SDK1: variants seen among roughly 807,000 people sequenced by gnomAD.
SDK1 encodes protein sidekick-1.
SDK1 carries 157 observed loss-of-function variants against 245.5 expected under a neutral mutation model. The ratio of observed to expected loss-of-function variants is 0.64; its 90% CI spans 0.56 to 0.73. The LOEUF is 0.73. Among genes scored for constraint, SDK1 ranks in the 30% least tolerant of loss-of-function variants. The pLI is 0.00. For synonymous variants in SDK1, 1,647 were observed against 1,278.5 expected (o/e 1.29, Z -6.15); for missense variants, 3,583 against 3,002.3 (o/e 1.19, Z -4.52).
At chr7:3,600,212 G>A (rs935147888) in intron 1 of SDK1, among the ~76,000 whole-genome samples, 1 of 152,050 alleles carries the variant, frequency 6.6e-6, no homozygotes, top group African/African-American at 2.4e-5. Flanking sequence ...TTTCATTTTG[G>A]TTTCTAAATG....
chr7:3,706,814 T>C (rs1784904820), intron 4 of SDK1, among the ~76,000 whole-genome samples: 1 of 152,220 alleles, frequency 6.6e-6, no homozygotes, highest in Non-Finnish European at 1.5e-5. Flanking sequence ...CAGGAATTTA[T>C]TCATTTCCTC....
chr7:3,920,017 C>A (rs1277676616), intron 5 of SDK1, among the ~76,000 whole-genome samples: 8 of 152,114 alleles, frequency 5.3e-5, no homozygotes, highest in African/African-American at 1.9e-4. Flanking sequence ...TTAGAACTTT[C>A]AGGATGAAAG....
chr7:3,488,616 G>C (rs1487839921), intron 1 of SDK1, among the ~76,000 whole-genome samples: 2 of 152,142 alleles, frequency 1.3e-5, no homozygotes, highest in Admixed American at 6.5e-5. Flanking sequence ...ATGCTCATCA[G>C]CTAGGATGCT....
At chr7:3,415,226 T>G (rs1457657272) in intron 1 of SDK1, among the ~76,000 whole-genome samples, 1 of 152,174 alleles carries the variant, frequency 6.6e-6, no homozygotes, top group Admixed American at 6.5e-5. Flanking sequence ...AAAAAGTGCA[T>G]ATGTTACAAA....
chr7:3,867,715 G>A (rs920041574), intron 5 of SDK1, among the ~76,000 whole-genome samples: 1 of 152,200 alleles, frequency 6.6e-6, no homozygotes, highest in Non-Finnish European at 1.5e-5. Flanking sequence ...TGAGATTTGG[G>A]TGGGGACAAA....
chr7:4,241,625 G>C (rs1786523609), intron 42 of SDK1, among the ~76,000 whole-genome samples, 168 bp from the exon 43 acceptor site: 1 of 152,116 alleles, frequency 6.6e-6, no homozygotes. Context: ...TCAGTACCTA[G>C]CTCTTCTCCC....
intron 1 of SDK1, among the ~76,000 whole-genome samples, chr7:3,353,562 C>T (rs73048672): frequency 0.1 from 15,710 of 152,156 alleles, 1,023 homozygotes; most frequent in African/African-American, 0.18. Context: ...TTTAGTAGTG[C>T]CCTGTGTGTA....
intron 1 of SDK1, among the ~76,000 whole-genome samples, chr7:3,349,341 T>G (rs868700572): frequency 4.1e-4 from 62 of 152,248 alleles, no homozygotes; most frequent in African/African-American, 1.2e-3. Context: ...GAGAACGTCA[T>G]TCTTGGAGTT....
At position 3,682,800 on chromosome 7, in the gene SDK1, G is replaced by A. The variant is rs113279617; in HGVS notation, c.713+40695G>A. On this transcript the variant is annotated intron_variant, in intron 4 of 44. Transcript: ENST00000404826. The stretch of plus-strand genomic sequence containing the variant: ...TTGCACTGCCAGATCATGCAGTGGC[G>A]CAATCTCAGCTCACTGCAACCCCCA... 4.0e-3 allele frequency among the ~76,000 whole-genome samples: 609 copies of A among 151,708 alleles called. 7 individuals carry two copies. The highest frequency in any genetic ancestry group is 0.014 in the African/African-American group (563 of 41,308).
chr7:4,030,517 G>A (rs1439579064), intron 17 of SDK1, among the ~76,000 whole-genome samples: 1 of 152,232 alleles, frequency 6.6e-6, no homozygotes, highest in African/African-American at 2.4e-5. Flanking sequence ...TGCCCAGCAA[G>A]TTGGCACATG....
chr7:4,219,854 G>A (rs938719843), intron 38 of SDK1, among the ~76,000 whole-genome samples: 5 of 143,844 alleles, frequency 3.5e-5, no homozygotes, highest in African/African-American at 1.0e-4. Flanking sequence ...TCATTCCTGA[G>A]ACGGCAGCCT....
intron 1 of SDK1, among the ~76,000 whole-genome samples, chr7:3,574,222 T>A (rs1016179661): frequency 4.6e-5 from 7 of 151,862 alleles, no homozygotes; most frequent in African/African-American, 1.4e-4. Flanking sequence ...ATTCAAGCAA[T>A]TCTCCTGTCT....
At chr7:3,889,239 C>T (rs893860859) in intron 5 of SDK1, among the ~76,000 whole-genome samples, 1 of 152,218 alleles carries the variant, frequency 6.6e-6, no homozygotes, top group African/African-American at 2.4e-5. Context: ...CTTCTTTATA[C>T]TCAGATAGAC....
rs192345279 is a variant in SDK1, at chr7:3,336,714, G to T, written c.298+34830G>T. On this transcript the variant is annotated intron_variant, in intron 1 of 44. Coordinates refer to ENST00000404826, the MANE Select transcript of SDK1 (RefSeq NM_152744.4). ...AGCCCTTGGCTTTCCCTTCCCTGTGGTAGCTTGGCCCAGAGGGTAGCTGAT... is the reference window on the plus strand; with the variant it reads ...AGCCCTTGGCTTTCCCTTCCCTGTGTTAGCTTGGCCCAGAGGGTAGCTGAT... Among the ~76,000 whole-genome samples the T allele has an allele frequency of 2.7e-3, 408 of 152,282 alleles. 1 individual carries two copies. The highest frequency in any genetic ancestry group is 9.2e-3 in the African/African-American group (381 of 41,550).
intron 1 of SDK1, among the ~76,000 whole-genome samples, chr7:3,361,572 C>G (rs931197309): frequency 2.6e-5 from 4 of 152,068 alleles, no homozygotes; most frequent in African/African-American, 9.7e-5. Flanking sequence ...ACAATTTTAC[C>G]CTCCCTCGTT....
chr7:3,776,607 G>T (rs1780571408), intron 4 of SDK1, among the ~76,000 whole-genome samples: 1 of 152,132 alleles, frequency 6.6e-6, no homozygotes, highest in African/African-American at 2.4e-5. Flanking sequence ...CAGAAAACAT[G>T]GAGGTTAAGC....
At chr7:4,137,803 G>A (rs1324078454) in intron 28 of SDK1, among the ~76,000 whole-genome samples, 3 of 152,124 alleles carry the variant, frequency 2.0e-5, no homozygotes, top group African/African-American at 4.8e-5. Context: ...TTCTGATCTC[G>A]CTGTAACCGT....
At chr7:3,409,415 C>T (rs1562469514) in intron 1 of SDK1, among the ~76,000 whole-genome samples, 1 of 151,886 alleles carries the variant, frequency 6.6e-6, no homozygotes, top group East Asian at 1.9e-4. Context: ...GCTGCCTGTA[C>T]AGTCAGGTGG....
intron 28 of SDK1, chr7:4,132,639 G>A (rs1054899752): frequency 6.5e-6 from 3 of 458,082 alleles, no homozygotes; most frequent in Non-Finnish European, 8.2e-6. Context: ...AAGGTGGGAG[G>A]ATCGCTTGAG....
Sources: allele counts gnomAD v4.1 joint callset (sites outside exome capture counted in the v4.1 genomes callset), GRCh38; gene constraint gnomAD v4.1.1; transcripts MANE v1.5; gene names NCBI Gene and HGNC (gene_info 2026-07-23, HGNC 2026-07-21).